Variants in FGGY observed in about 807,000 individuals in gnomAD.
FGGY encodes FGGY carbohydrate kinase domain-containing protein.
FGGY carries 72 observed loss-of-function variants against 71.3 expected under a neutral mutation model. The observed-to-expected ratio is 1.01, with a 90% CI of 0.84 to 1.23. The LOEUF is 1.23. Among genes scored for constraint, FGGY ranks in the 50% most tolerant of loss-of-function variants. The pLI is 0.00. For missense variants in FGGY, 668 were observed against 682.3 expected, an observed-to-expected ratio of 0.98 and a Z score of 0.23; for synonymous variants, 251 against 250.3, an observed-to-expected ratio of 1.00 and a Z score of -0.02.
chr1:59,706,026 C>T (rs1033869645), intron 14 of FGGY, among the ~76,000 whole-genome samples: 1 of 152,182 alleles, frequency 6.6e-6, no homozygotes, highest in African/African-American at 2.4e-5. Flanking sequence ...GGAAAATTCT[C>T]CACAGTGGCC....
intron 6 of FGGY, among the ~76,000 whole-genome samples, chr1:59,490,509 C>A (rs1332045274): frequency 6.6e-6 from 1 of 152,124 alleles, no homozygotes. Context: ...TGTGCAGAAG[C>A]TTGTTAGTTT....
chr1:59,492,154 C>T (rs1335973415), intron 6 of FGGY, among the ~76,000 whole-genome samples: 1 of 152,082 alleles, frequency 6.6e-6, no homozygotes, highest in Admixed American at 6.6e-5. Context: ...TCTGGTACCC[C>T]ACTATAATGC....
At chr1:59,407,152 A>T (rs941928337) in intron 5 of FGGY, among the ~76,000 whole-genome samples, 1 of 152,150 alleles carries the variant, frequency 6.6e-6, no homozygotes, top group Non-Finnish European at 1.5e-5. Flanking sequence ...TGGGTCCTCC[A>T]TGGCTCTGTC....
At chr1:59,297,677 G>C (rs1414852164) in intron 1 of FGGY, among the ~76,000 whole-genome samples, 1 of 152,122 alleles carries the variant, frequency 6.6e-6, no homozygotes, top group Non-Finnish European at 1.5e-5. Context: ...CAAAAAATTA[G>C]CCGGGCGTGG....
intron 14 of FGGY, among the ~76,000 whole-genome samples, chr1:59,676,770 C>T (rs2097439793): frequency 6.6e-6 from 1 of 152,062 alleles, no homozygotes; most frequent in Non-Finnish European, 1.5e-5. Flanking sequence ...GATGTGTGTG[C>T]CTGTCCTGAT....
chr1:59,381,298 C>T (rs1425132449), intron 5 of FGGY, among the ~76,000 whole-genome samples: 1 of 152,130 alleles, frequency 6.6e-6, no homozygotes. Flanking sequence ...TCCATGTGAA[C>T]TTTAAAGTAG....
rs567110506 is a variant in FGGY, at chr1:59,751,236, T to C, written c.1513-6695T>C. Among the ~76,000 whole-genome samples, 11 of 151,712 alleles carry C rather than the reference T, an allele frequency of 7.3e-5. No homozygotes were observed. The East Asian group carries it at 2.0e-3, about 27-fold the overall frequency. On this transcript the variant is annotated intron_variant, in intron 14 of 15. Coordinates refer to ENST00000303721, the MANE Select transcript of FGGY (RefSeq NM_018291.5). ...TGGTGATAGATGATCTGTGTCCTAA[T>C]GTCCTTTTGAGGGTTAAAAAGATCA... is the stretch of plus-strand genomic sequence containing the variant.
At chr1:59,464,711 T>C (rs2092498722) in intron 6 of FGGY, among the ~76,000 whole-genome samples, 1 of 152,014 alleles carries the variant, frequency 6.6e-6, no homozygotes, top group Non-Finnish European at 1.5e-5. Context: ...CCCACAGAAA[T>C]ACAAACTACC....
intron 14 of FGGY, 42 bp from the exon 15 acceptor site, chr1:59,757,889 C>T (rs562912134): frequency 4.1e-6 from 6 of 1,472,568 alleles, no homozygotes; most frequent in Middle Eastern, 1.7e-4. Flanking sequence ...CTTTGGATTT[C>T]GCTTTCCAAC....
chr1:59,363,516 G>C (rs2056004714), intron 4 of FGGY, among the ~76,000 whole-genome samples: 1 of 152,192 alleles, frequency 6.6e-6, no homozygotes, highest in Admixed American at 6.5e-5. Context: ...ATGAAGAGTA[G>C]TTGAGTAGAT....
chr1:59,508,706 G>C (rs188283325), intron 6 of FGGY, among the ~76,000 whole-genome samples: 1 of 152,290 alleles, frequency 6.6e-6, no homozygotes, highest in East Asian at 1.9e-4. Context: ...CCTGCTTGGA[G>C]TCCAGATAGC....
intron 6 of FGGY, among the ~76,000 whole-genome samples, chr1:59,466,426 A>G (rs942286944): frequency 6.6e-6 from 1 of 152,212 alleles, no homozygotes; most frequent in African/African-American, 2.4e-5. Flanking sequence ...AGGCAATACC[A>G]TTCAGGACAT....
chr1:59,569,987 T>C (rs1480622865), intron 8 of FGGY, among the ~76,000 whole-genome samples: 2 of 152,216 alleles, frequency 1.3e-5, no homozygotes, highest in Admixed American at 1.3e-4. Flanking sequence ...AATGTCTGGT[T>C]CATTGCAGAA....
intron 14 of FGGY, among the ~76,000 whole-genome samples, chr1:59,748,835 T>C (rs1028444420): frequency 6.6e-6 from 1 of 152,120 alleles, no homozygotes; most frequent in African/African-American, 2.4e-5. Flanking sequence ...GGTAATGAGA[T>C]GACTGATGGC....
At chr1:59,666,671 A>G (rs559727757) in intron 12 of FGGY, among the ~76,000 whole-genome samples, 3 of 152,232 alleles carry the variant, frequency 2.0e-5, no homozygotes, top group Admixed American at 1.3e-4. Flanking sequence ...CAACCAGGGA[A>G]TGGATTTGGC....
At position 59,648,262 on chromosome 1, in the gene FGGY, C is replaced by T. The variant is rs1408847717; in HGVS notation, c.1221+9887C>T. On this transcript the variant is annotated intron_variant, in intron 11 of 15. Coordinates refer to ENST00000303721, the MANE Select transcript of FGGY (RefSeq NM_018291.5). ...GATTTATAGTCATTTGGGTATATAC[C>T]CAGTAATGGGATGGCTGGGTCAAAT... is the stretch of plus-strand genomic sequence containing the variant. Among the ~76,000 whole-genome samples, 23 of 108,000 alleles carry T rather than the reference C, an allele frequency of 2.1e-4. No individual in the cohort carries two copies. In the East Asian group the frequency reaches 5.6e-3, roughly 26 times the overall value. 70.9% of individuals were successfully genotyped at this position (108,000 alleles called of 152,430 possible).
intron 7 of FGGY, among the ~76,000 whole-genome samples, chr1:59,535,808 G>C (rs931600444): frequency 6.7e-6 from 1 of 149,084 alleles, no homozygotes; most frequent in African/African-American, 2.5e-5. Flanking sequence ...CAACATACCA[G>C]AATCTCTGGG....
intron 5 of FGGY, among the ~76,000 whole-genome samples, chr1:59,427,855 C>T (rs1019195831): frequency 6.6e-6 from 1 of 152,134 alleles, no homozygotes; most frequent in Non-Finnish European, 1.5e-5. Context: ...TTGTCACTTA[C>T]TAGATAGGGG....
intron 14 of FGGY, among the ~76,000 whole-genome samples, chr1:59,744,289 C>T (rs1355172581): frequency 2.6e-5 from 4 of 152,156 alleles, no homozygotes; most frequent in South Asian, 2.1e-4. Flanking sequence ...GGCACGATCT[C>T]GGCTCACTGC....
Sources: allele counts gnomAD v4.1 joint callset (sites outside exome capture counted in the v4.1 genomes callset), GRCh38; gene constraint gnomAD v4.1.1; transcripts MANE v1.5; gene names NCBI Gene and HGNC (gene_info 2026-07-23, HGNC 2026-07-21).